Variants in SCFD2 observed in about 807,000 individuals in gnomAD.
SCFD2 encodes the protein sec1 family domain-containing protein 2.
In SCFD2, 54 loss-of-function variants were observed where a neutral mutation model predicts 58.9. That is an observed-to-expected ratio of 0.92 (90% CI 0.74 to 1.15). The LOEUF is 1.15. Among genes scored for constraint, SCFD2 ranks in the 50% most tolerant of loss-of-function variants. The pLI is 0.00. For missense variants in SCFD2, 805 were observed against 836.6 expected, an observed-to-expected ratio of 0.96 and a Z score of 0.47; for synonymous variants, 321 against 335.9, an observed-to-expected ratio of 0.96 and a Z score of 0.49.
At chr4:53,177,502 A>G (rs967883618) in intron 4 of SCFD2, among the ~76,000 whole-genome samples, 12 of 152,184 alleles carry the variant, frequency 7.9e-5, no homozygotes, top group African/African-American at 2.9e-4. Context: ...AAAATAAAAA[A>G]CAATAAGAAA....
chr4:53,081,733 T>C (rs1197814445), intron 5 of SCFD2, among the ~76,000 whole-genome samples: 1 of 152,146 alleles, frequency 6.6e-6, no homozygotes, highest in African/African-American at 2.4e-5. Flanking sequence ...GATTATATTA[T>C]ATTGACAAGA....
chr4:53,011,091 C>A (rs781026126), intron 5 of SCFD2, among the ~76,000 whole-genome samples: 2 of 152,080 alleles, frequency 1.3e-5, no homozygotes. Flanking sequence ...CTTTATTTTC[C>A]CCCTAAAAAA....
At chr4:53,311,107 A>G (rs2149108863) in intron 3 of SCFD2, among the ~76,000 whole-genome samples, 1 of 152,328 alleles carries the variant, frequency 6.6e-6, no homozygotes, top group African/African-American at 2.4e-5. Flanking sequence ...GTTCATAGTT[A>G]TGAATCTGTT....
intron 5 of SCFD2, among the ~76,000 whole-genome samples, chr4:53,092,097 A>G (rs534993956): frequency 2.6e-4 from 40 of 152,292 alleles, no homozygotes; most frequent in African/African-American, 9.1e-4. Context: ...CATATGACAT[A>G]TTGTGCAAAT....
intron 8 of SCFD2, among the ~76,000 whole-genome samples, chr4:52,876,082 T>C (rs1718467223): frequency 6.6e-6 from 1 of 151,908 alleles, no homozygotes; most frequent in African/African-American, 2.4e-5. Context: ...TAATTGAGCC[T>C]GGCGGCTTCC....
At chr4:52,903,195 G>C (rs547286172) in intron 7 of SCFD2, among the ~76,000 whole-genome samples, 1 of 152,340 alleles carries the variant, frequency 6.6e-6, no homozygotes, top group South Asian at 2.1e-4. Flanking sequence ...AGCGTGGAAA[G>C]GAGAAGAGAG....
intron 3 of SCFD2, among the ~76,000 whole-genome samples, chr4:53,311,447 A>G (rs1732686498): frequency 6.6e-6 from 1 of 152,120 alleles, no homozygotes; most frequent in South Asian, 2.1e-4. Context: ...CTTTTTAAAA[A>G]TTTGTGGCTC....
chr4:53,283,515 G>C (rs534262821), intron 3 of SCFD2, among the ~76,000 whole-genome samples: 1 of 152,208 alleles, frequency 6.6e-6, no homozygotes, highest in East Asian at 1.9e-4. Context: ...AGTTTTACTT[G>C]ATACTGTCAG....
intron 5 of SCFD2, chr4:52,956,340 A>T (rs1328148775): frequency 2.4e-6 from 1 of 411,660 alleles, no homozygotes; most frequent in Non-Finnish European, 4.8e-6. Context: ...CAAGGGGACT[A>T]TGTTAGATAG....
intron 5 of SCFD2, among the ~76,000 whole-genome samples, chr4:53,120,373 T>A (rs926804397): frequency 8.5e-5 from 13 of 152,186 alleles, no homozygotes; most frequent in African/African-American, 2.9e-4. Context: ...GGGATACTCA[T>A]TTTGCAGATG....
At chr4:52,910,597 T>C (rs558516440) in intron 6 of SCFD2, among the ~76,000 whole-genome samples, 1 of 152,346 alleles carries the variant, frequency 6.6e-6, no homozygotes, top group African/African-American at 2.4e-5. Flanking sequence ...CTATTAAAAC[T>C]CATTAGCAGA....
chr4:53,057,654 A>T (rs747529305), intron 5 of SCFD2, among the ~76,000 whole-genome samples: 5 of 152,152 alleles, frequency 3.3e-5, no homozygotes, highest in Non-Finnish European at 7.4e-5. Flanking sequence ...CATTCTGCAC[A>T]TGTATCCCAT....
chr4:53,097,168 T>C lies in SCFD2; in HGVS notation c.1561+48165A>G, dbSNP rs546756946. Among the ~76,000 whole-genome samples, 337 of 152,190 alleles carry C rather than the reference T, an allele frequency of 2.2e-3. 1 individual carries two copies. The highest frequency in any genetic ancestry group is 4.2e-3 in the Non-Finnish European group (286 of 67,926). On this transcript the variant is annotated intron_variant, in intron 5 of 8. Coordinates refer to ENST00000401642, the MANE Select transcript of SCFD2 (RefSeq NM_152540.4). Reference sequence around the variant, plus strand: ...TAGCGTGATGCCTCCAGCTTTGTTCTTTTGGCTTAGGATTGTCTTGGCAAT... The same window carrying C: ...TAGCGTGATGCCTCCAGCTTTGTTCCTTTGGCTTAGGATTGTCTTGGCAAT...
intron 4 of SCFD2, among the ~76,000 whole-genome samples, chr4:53,160,493 A>G (rs1307347718): frequency 2.6e-5 from 4 of 152,244 alleles, no homozygotes; most frequent in Non-Finnish European, 5.9e-5. Context: ...AAAAGAGTCT[A>G]GAATTATTCC....
At chr4:53,001,097 G>A (rs1343453043) in intron 5 of SCFD2, among the ~76,000 whole-genome samples, 1 of 152,186 alleles carries the variant, frequency 6.6e-6, no homozygotes, top group Non-Finnish European at 1.5e-5. Context: ...AGTAATCAAA[G>A]CTAACTGCAG....
intron 4 of SCFD2, among the ~76,000 whole-genome samples, chr4:53,176,588 A>C (rs1257366800): frequency 1.3e-5 from 2 of 152,230 alleles, no homozygotes; most frequent in Non-Finnish European, 2.9e-5. Flanking sequence ...GGCAGCTGAG[A>C]GAAAAAGCCT....
intron 4 of SCFD2, among the ~76,000 whole-genome samples, chr4:53,261,241 T>C (rs879927609): frequency 6.6e-6 from 1 of 152,202 alleles, no homozygotes; most frequent in Non-Finnish European, 1.5e-5. Context: ...TTAGTTCTGC[T>C]CTGATCTTTG....
At chr4:53,016,772 T>G (rs1327922107) in intron 5 of SCFD2, among the ~76,000 whole-genome samples, 1 of 152,150 alleles carries the variant, frequency 6.6e-6, no homozygotes, top group African/African-American at 2.4e-5. Flanking sequence ...TGAAGAAATA[T>G]GAATCTTTCA....
At chr4:53,325,885 T>A (rs1733177744) in intron 2 of SCFD2, among the ~76,000 whole-genome samples, 1 of 151,124 alleles carries the variant, frequency 6.6e-6, no homozygotes, top group Non-Finnish European at 1.5e-5. Context: ...AACTACTAAC[T>A]CTCCCCCAAA....
Sources: allele counts gnomAD v4.1 joint callset (sites outside exome capture counted in the v4.1 genomes callset), GRCh38; gene constraint gnomAD v4.1.1; transcripts MANE v1.5; gene names NCBI Gene and HGNC (gene_info 2026-07-23, HGNC 2026-07-21).